Variants in HEATR5B observed in about 807,000 individuals in gnomAD.
HEATR5B encodes HEAT repeat-containing protein 5B.
In HEATR5B, 156 loss-of-function variants were observed where a neutral mutation model predicts 224.1. The observed-to-expected ratio is 0.70, with a 90% CI of 0.61 to 0.80. The LOEUF (loss-of-function observed/expected upper bound fraction) is 0.80. Ranked by LOEUF, HEATR5B falls within the 30% of genes least tolerant of loss-of-function variation. The probability of loss-of-function intolerance (pLI) is 0.00; values close to 1 mark genes in which losing one functional copy is unlikely to be tolerated. For missense variants in HEATR5B, 2,323 were observed against 2,535.5 expected, an observed-to-expected ratio of 0.92 and a Z score of 1.80; for synonymous variants, 1,027 against 893.0, an observed-to-expected ratio of 1.15 and a Z score of -2.68.
intron 31 of HEATR5B, 21 bp downstream of exon 31, chr2:37,003,521 A>G (rs777587331): frequency 6.6e-7 from 1 of 1,511,866 alleles, no homozygotes; most frequent in South Asian, 1.2e-5. Flanking sequence ...ACTTCAAGTT[A>G]GTGTAATTTC....
intron 21 of HEATR5B, 63 bp downstream of exon 21, chr2:37,037,792 A>AT (rs896927031): frequency 5.1e-5 from 62 of 1,215,310 alleles, no homozygotes; most frequent in Non-Finnish European, 6.4e-5. Context: ...TCCATAAAAA[A>AT]TTTTTTAAAT....
At chr2:37,021,964 C>T (rs570659655) in intron 24 of HEATR5B, among the ~76,000 whole-genome samples, 62 of 151,862 alleles carry the variant, frequency 4.1e-4, no homozygotes, top group African/African-American at 1.3e-3. Context: ...CACTGCTTAC[C>T]CTTCGTTCCC....
intron 26 of HEATR5B, among the ~76,000 whole-genome samples, chr2:37,014,223 G>A (rs1381262918): frequency 4.6e-5 from 7 of 152,162 alleles, no homozygotes; most frequent in South Asian, 4.2e-4. Context: ...GCGGAGTGGC[G>A]TGATCTCGGC....
intron 24 of HEATR5B, among the ~76,000 whole-genome samples, chr2:37,025,049 G>A (rs528854191): frequency 6.6e-6 from 1 of 152,332 alleles, no homozygotes; most frequent in East Asian, 1.9e-4. Flanking sequence ...ATAGGAGATA[G>A]GAAGATGAAG....
chr2:37,027,777 A>G, intron 24 of HEATR5B, 146 bp downstream of exon 24: 1 of 804,754 alleles, frequency 1.2e-6, no homozygotes, highest in Non-Finnish European at 2.0e-6. Context: ...GGGACAGAAA[A>G]CTAAGATGAA....
chr2:37,048,234 G>A (rs1464676243), intron 18 of HEATR5B, among the ~76,000 whole-genome samples: 1 of 151,376 alleles, frequency 6.6e-6, no homozygotes, highest in African/African-American at 2.4e-5. Flanking sequence ...ACCCAAGCTG[G>A]ACAGTAATGG....
rs764904152 is a variant in HEATR5B at position 37,058,445 on chromosome 2, A to G, written c.2059+6T>C. 21 of 1,558,588 alleles carry G rather than the reference A, an allele frequency of 1.3e-5. No individual in the cohort carries two copies. In the South Asian group the frequency reaches 1.6e-4, roughly 12 times the overall value. On this transcript the variant is annotated splice_donor_region_variant and intron_variant, in intron 14 of 35. Transcript: ENST00000233099. ...TTTTATCAGATACCACAAATTTTTA[A>G]TTTACCTTCATAAGTTTTTGGAGGT...
chr2:37,012,357 T>G (rs1401515480), intron 27 of HEATR5B, among the ~76,000 whole-genome samples: 1 of 152,188 alleles, frequency 6.6e-6, no homozygotes, highest in African/African-American at 2.4e-5. Flanking sequence ...CCTTAAATAT[T>G]CCTGAAAATA....
rs920427025 is a variant in HEATR5B, at chr2:37,075,399, T to G, written c.597+86A>C. The G allele has an allele frequency of 5.4e-6, 5 of 933,460 alleles. No homozygotes were observed. In the African/African-American group the frequency reaches 1.2e-4, roughly 22 times the overall value. The allele number at this position is 933,460 out of a possible 1,614,324, so 57.8% of individuals were successfully genotyped here. On this transcript the variant is annotated intron_variant, in intron 5 of 35. Coordinates refer to ENST00000233099, the MANE Select transcript of HEATR5B (RefSeq NM_019024.3). The stretch of plus-strand genomic sequence containing the variant: ...AATCCATTGGAACACAAAACATAAT[T>G]TAAAATTTTAAAAGAAAAAAAAATC...
At chr2:37,067,067 C>A (rs1429002952) in intron 8 of HEATR5B, among the ~76,000 whole-genome samples, 1 of 152,046 alleles carries the variant, frequency 6.6e-6, no homozygotes, top group Non-Finnish European at 1.5e-5. Context: ...GACAGGGTTT[C>A]GCCATGTTGG....
intron 26 of HEATR5B, among the ~76,000 whole-genome samples, chr2:37,019,302 C>A (rs945441463): frequency 2.6e-5 from 4 of 152,062 alleles, no homozygotes; most frequent in Admixed American, 6.6e-5. Context: ...TTAATACCCA[C>A]AAAGTAGCAA....
rs565238049 is a variant in HEATR5B, at chr2:37,008,004, T to C, written c.4522+607A>G. ...TTCTGCTATTCCTCTCCACCTCCTGTTGTTTCCTCTACTAACACTGAGGAC... is the reference window on the plus strand; with the variant it reads ...TTCTGCTATTCCTCTCCACCTCCTGCTGTTTCCTCTACTAACACTGAGGAC... On this transcript the variant is annotated intron_variant, in intron 28 of 35. Transcript: ENST00000233099. Among the ~76,000 whole-genome samples, 137 of 152,348 alleles carry C rather than the reference T, an allele frequency of 9.0e-4. No homozygotes were observed. In the Middle Eastern group the frequency reaches 0.017, roughly 19 times the overall value.
intron 24 of HEATR5B, among the ~76,000 whole-genome samples, chr2:37,025,765 T>G (rs1309228530): frequency 6.6e-6 from 1 of 152,072 alleles, no homozygotes; most frequent in Non-Finnish European, 1.5e-5. Flanking sequence ...GAAAGAAAGG[T>G]CAACCTAAGG....
intron 24 of HEATR5B, among the ~76,000 whole-genome samples, chr2:37,023,634 C>T (rs867777453): frequency 1.3e-5 from 2 of 151,778 alleles, no homozygotes; most frequent in South Asian, 2.1e-4. Flanking sequence ...CTGGACATGG[C>T]GGCGGGTGCC....
In HEATR5B at chr2:37,028,271, G is replaced by C. The variant is rs144161188; in HGVS notation, c.3602-97C>G. On this transcript the variant is annotated intron_variant, in intron 23 of 35. Transcript: ENST00000233099. ...TTAAAATTTTTTTAATTTAAAAAAAGACTAAATTCTTACTTGCTGGAAAAC... is the reference window on the plus strand; with the variant it reads ...TTAAAATTTTTTTAATTTAAAAAAACACTAAATTCTTACTTGCTGGAAAAC... 5.3e-4 allele frequency: 388 copies of C among 726,588 alleles called. No individual in the cohort carries two copies. In the African/African-American group the frequency reaches 6.5e-3, roughly 12 times the overall value. 45.0% of individuals were successfully genotyped at this position (726,588 alleles called of 1,614,324 possible). A position where few individuals can be genotyped will look rare whatever the true frequency, so the allele number is the denominator to read the frequency against.
At chr2:37,069,715 T>C (rs976872719) in intron 7 of HEATR5B, among the ~76,000 whole-genome samples, 2 of 152,212 alleles carry the variant, frequency 1.3e-5, no homozygotes, top group African/African-American at 4.8e-5. Context: ...AGACACAGGC[T>C]TATTTATATA....
chr2:37,036,759 G>A (rs961614931), intron 21 of HEATR5B, among the ~76,000 whole-genome samples: 5 of 151,858 alleles, frequency 3.3e-5, no homozygotes, highest in African/African-American at 9.7e-5. Flanking sequence ...TGATCCCCCC[G>A]CCTTGGCCTC....
chr2:37,067,231 G>A (rs1235612633), intron 8 of HEATR5B, among the ~76,000 whole-genome samples: 1 of 152,050 alleles, frequency 6.6e-6, no homozygotes, highest in African/African-American at 2.4e-5. Flanking sequence ...TCTAGCTTTT[G>A]ATTGCTAAAC....
chr2:37,058,994 A>T lies in HEATR5B; in HGVS notation c.1850-7T>A. The T allele has an allele frequency of 1.9e-6, 3 of 1,575,696 alleles. No individual in the cohort carries two copies. Among genetic ancestry groups the T allele is most frequent in the Non-Finnish European group, 2.6e-6 (3 of 1,150,610 alleles). ...GCAACGAAGCTCCTCATGGCTAGATAAAATGTTTAAAAGGACAGATTTGGA... is the reference window on the plus strand; with the variant it reads ...GCAACGAAGCTCCTCATGGCTAGATTAAATGTTTAAAAGGACAGATTTGGA... On this transcript the variant is annotated splice_polypyrimidine_tract_variant and splice_region_variant and intron_variant, in intron 12 of 35. Coordinates refer to ENST00000233099, the MANE Select transcript of HEATR5B (RefSeq NM_019024.3).
Sources: allele counts gnomAD v4.1 joint callset (sites outside exome capture counted in the v4.1 genomes callset), GRCh38; gene constraint gnomAD v4.1.1; transcripts MANE v1.5; gene names NCBI Gene and HGNC (gene_info 2026-07-23, HGNC 2026-07-21).